MAP3K7CL: variants seen among roughly 807,000 people sequenced by gnomAD.
MAP3K7CL encodes the protein MAP3K7 C-terminal like, also known as MAP3K7 C-terminal-like protein.
MAP3K7CL carries 16 observed loss-of-function variants against 18.6 expected under a neutral mutation model. The observed-to-expected ratio is 0.86, with a 90% CI of 0.58 to 1.31. MAP3K7CL has a LOEUF of 1.31. Ranked by LOEUF, MAP3K7CL falls within the 50% of genes most tolerant of loss-of-function variation. The pLI is 0.00. For missense variants in MAP3K7CL, 163 were observed against 174.4 expected (o/e 0.93, Z 0.37); for synonymous variants, 65 against 66.8 (o/e 0.97, Z 0.13).
At chr21:29,143,923 C>T (rs554731772) in intron 2 of MAP3K7CL, among the ~76,000 whole-genome samples, 11 of 152,070 alleles carry the variant, frequency 7.2e-5, no homozygotes, top group South Asian at 6.2e-4. Flanking sequence ...AAGAAGGGTA[C>T]GACAGTGAGG....
chr21:29,090,134 C>G (rs989012136), intron 1 of MAP3K7CL, among the ~76,000 whole-genome samples: 2 of 152,120 alleles, frequency 1.3e-5, no homozygotes, highest in African/African-American at 4.8e-5. Context: ...GTATTTTTTA[C>G]AGAACTTTGC....
upstream of MAP3K7CL, among the ~76,000 whole-genome samples, chr21:29,084,045 ATAT>A (rs922883944): frequency 6.5e-4 from 96 of 148,006 alleles, no homozygotes; most frequent in African/African-American, 2.3e-3. Flanking sequence ...ATTATATATA[ATAT>A]TATATGTATA....
chr21:29,137,164 C>T (rs2086904338), intron 2 of MAP3K7CL, among the ~76,000 whole-genome samples: 1 of 152,168 alleles, frequency 6.6e-6, no homozygotes, highest in African/African-American at 2.4e-5. Context: ...AAATGTAAAC[C>T]ACTAAGCAGT....
intron 2 of MAP3K7CL, among the ~76,000 whole-genome samples, chr21:29,138,710 G>A (rs1330365521): frequency 2.6e-5 from 4 of 152,206 alleles, no homozygotes; most frequent in South Asian, 4.2e-4. Context: ...GGCCAGGCAC[G>A]GTGGCTCATA....
In MAP3K7CL at chr21:29,107,802, G is replaced by C. The variant is rs564485313; in HGVS notation, c.370+15221G>C. ...AATGTCCATTGGTTAAACTATTTTT[G>C]TTGAGTATTCTATTAAAGGTTAGTG... On this transcript the variant is annotated intron_variant, in intron 4 of 6. Coordinates refer to the MAP3K7CL transcript ENST00000286791. Among the ~76,000 whole-genome samples the C allele has an allele frequency of 5.3e-5, 8 of 152,292 alleles. No individual in the cohort carries two copies. In the East Asian group the frequency reaches 1.3e-3, roughly 26 times the overall value.
intron 3 of MAP3K7CL, among the ~76,000 whole-genome samples, chr21:29,157,558 T>C (rs1250006372): frequency 2.0e-5 from 3 of 152,226 alleles, no homozygotes; most frequent in Non-Finnish European, 2.9e-5. Flanking sequence ...CCCTTCTTTA[T>C]GATGGGAAGT....
chr21:29,154,597 C>A (rs868759059), intron 3 of MAP3K7CL, among the ~76,000 whole-genome samples: 2 of 152,256 alleles, frequency 1.3e-5, no homozygotes, highest in Non-Finnish European at 1.5e-5. Context: ...TCCAAGCAGC[C>A]TCTCCGAAAA....
chr21:29,156,895 A>G (rs2087417734), intron 3 of MAP3K7CL, among the ~76,000 whole-genome samples: 2 of 152,188 alleles, frequency 1.3e-5, no homozygotes, highest in South Asian at 4.1e-4. Context: ...ACCGGAGAGC[A>G]CTTTGATTTG....
upstream of MAP3K7CL, among the ~76,000 whole-genome samples, chr21:29,082,615 C>T (rs2085854520): frequency 6.6e-6 from 1 of 152,156 alleles, no homozygotes; most frequent in African/African-American, 2.4e-5. Flanking sequence ...AATGTGTAAG[C>T]ACCTTGTTAA....
At chr21:29,092,281 T>G in intron 3 of MAP3K7CL, 197 of 658,934 alleles carry the variant, frequency 3.0e-4, no homozygotes, top group Non-Finnish European at 4.4e-4. Flanking sequence ...TTTCCCCTGA[T>G]GAGAAACCTT....
chr21:29,087,562 T>C (rs1445923178), intron 1 of MAP3K7CL, among the ~76,000 whole-genome samples: 11 of 151,550 alleles, frequency 7.3e-5, no homozygotes, highest in Non-Finnish European at 1.2e-4. Context: ...AGGATTTAAC[T>C]GTAAATCTAA....
chr21:29,107,861 G>A (rs1261160488), intron 4 of MAP3K7CL, among the ~76,000 whole-genome samples: 2 of 152,120 alleles, frequency 1.3e-5, no homozygotes, highest in Non-Finnish European at 2.9e-5. Context: ...TGTTTGCTAG[G>A]CATTGTGCTG....
At chr21:29,166,742 TC>T (rs1254157331) in intron 4 of MAP3K7CL, among the ~76,000 whole-genome samples, 2 of 152,240 alleles carry the variant, frequency 1.3e-5, no homozygotes, top group Middle Eastern at 3.2e-3. Context: ...AGTACTTCAT[TC>T]TTTTTATTGC....
intron 4 of MAP3K7CL, among the ~76,000 whole-genome samples, chr21:29,173,614 A>G (rs1358594863): frequency 6.6e-6 from 1 of 152,240 alleles, no homozygotes; most frequent in Admixed American, 6.5e-5. Flanking sequence ...GGTTAGGATT[A>G]CCTGACCTCC....
At chr21:29,151,671 T>A (rs1339642227) in intron 3 of MAP3K7CL, among the ~76,000 whole-genome samples, 1 of 152,226 alleles carries the variant, frequency 6.6e-6, no homozygotes, top group African/African-American at 2.4e-5. Flanking sequence ...TTCAGGCTAT[T>A]GTTCTCTCAT....
At chr21:29,141,004 T>C (rs1043861739) in intron 2 of MAP3K7CL, among the ~76,000 whole-genome samples, 7 of 152,182 alleles carry the variant, frequency 4.6e-5, no homozygotes, top group African/African-American at 1.7e-4. Context: ...CTTGGACTCC[T>C]GGGCTCAAGC....
At chr21:29,107,271 C>T (rs1323873067) in intron 4 of MAP3K7CL, among the ~76,000 whole-genome samples, 1 of 151,936 alleles carries the variant, frequency 6.6e-6, no homozygotes, top group East Asian at 1.9e-4. Flanking sequence ...GCAGGGATCT[C>T]GCCACTGCAC....
intron 3 of MAP3K7CL, among the ~76,000 whole-genome samples, chr21:29,157,748 GACA>G (rs977901122): frequency 3.3e-5 from 5 of 152,120 alleles, no homozygotes; most frequent in Admixed American, 6.5e-5. Context: ...AAGAACAAAT[GACA>G]ACATTTCCCA....
chr21:29,126,667 C>T (rs1483780957), upstream of MAP3K7CL, among the ~76,000 whole-genome samples: 1 of 152,096 alleles, frequency 6.6e-6, no homozygotes, highest in Non-Finnish European at 1.5e-5. Flanking sequence ...CCATGTTGGC[C>T]AGGCTGGTCT....
Sources: gnomAD v4.1 joint callset for allele counts (sites outside exome capture counted in the v4.1 genomes callset) on GRCh38, gnomAD v4.1.1 for gene constraint, MANE v1.5 for transcripts, NCBI Gene and HGNC (gene_info 2026-07-23, HGNC 2026-07-21) for gene names.